The following CRPPA variants were observed in gnomAD, a reference collection of about 807,000 sequenced individuals.
The protein encoded by CRPPA is CDP-L-ribitol pyrophosphorylase A, also known as D-ribitol-5-phosphate cytidylyltransferase.
CRPPA carries 43 observed loss-of-function variants against 52.0 expected under a neutral mutation model. The observed-to-expected ratio is 0.83, with a 90% confidence interval of 0.65 to 1.07. The LOEUF (loss-of-function observed/expected upper bound fraction) is 1.07, where lower values mean the gene tolerates loss of function less well. Among genes scored for constraint, CRPPA ranks in the 50% least tolerant of loss-of-function variants. CRPPA has a pLI of 0.00. For synonymous variants in CRPPA, 250 were observed against 203.5 expected, an observed-to-expected ratio of 1.23 and a Z score of -1.94; for missense variants, 629 against 551.7, an observed-to-expected ratio of 1.14 and a Z score of -1.40.
rs530116346 is a variant in CRPPA at position 16,369,671 on chromosome 7, CT to C, written c.684+6420del. Among the ~76,000 whole-genome samples the C allele has an allele frequency of 3.8e-3, 575 of 152,036 alleles. 4 individuals are homozygous for C. The highest frequency in any genetic ancestry group is 0.013 in the African/African-American group (547 of 41,492). On this transcript the variant is annotated intron_variant, in intron 3 of 9. Coordinates refer to ENST00000407010, the MANE Select transcript of CRPPA (RefSeq NM_001101426.4). ...TAAAGCAGAACAAAATAAGTATGAT[CT>C]TTTTTTTGCCCCCAAGATGGCAGAT...
chr7:16,173,878 T>G (rs1439570199), intron 9 of CRPPA, among the ~76,000 whole-genome samples: 1 of 152,178 alleles, frequency 6.6e-6, no homozygotes, highest in African/African-American at 2.4e-5. Flanking sequence ...AAATGTAAAC[T>G]GTATTTGTTT....
intron 8 of CRPPA, among the ~76,000 whole-genome samples, chr7:16,222,027 C>G (rs1562567231): frequency 6.6e-6 from 1 of 150,822 alleles, no homozygotes; most frequent in Non-Finnish European, 1.5e-5. Context: ...TTCACAATAG[C>G]AAAGACTTGG....
intron 2 of CRPPA, among the ~76,000 whole-genome samples, chr7:16,389,928 A>AAAAAAAAAAAAAATAT: frequency 6.7e-5 from 2 of 29,760 alleles, no homozygotes; most frequent in South Asian, 3.4e-3. Flanking sequence ...AAAAAAAAAA[A>AAAAAAAAAAAAAATAT]ATATATATAT....
At chr7:16,211,341 A>G (rs1054635919) in intron 9 of CRPPA, among the ~76,000 whole-genome samples, 1 of 152,224 alleles carries the variant, frequency 6.6e-6, no homozygotes, top group Non-Finnish European at 1.5e-5. Context: ...AACAATATTG[A>G]AAGTGAAAAA....
intron 8 of CRPPA, among the ~76,000 whole-genome samples, chr7:16,233,463 T>C (rs1219832084): frequency 2.0e-5 from 3 of 152,274 alleles, no homozygotes; most frequent in Non-Finnish European, 4.4e-5. Context: ...TCTTCAAAGA[T>C]ATTATAATGG....
intron 2 of CRPPA, among the ~76,000 whole-genome samples, chr7:16,380,668 G>T (rs1236816164): frequency 1.3e-5 from 2 of 152,128 alleles, no homozygotes; most frequent in Admixed American, 1.3e-4. Flanking sequence ...CAATTTCAGA[G>T]CCTGTTATTG....
intron 9 of CRPPA, among the ~76,000 whole-genome samples, chr7:16,163,841 A>AC (rs1780983772): frequency 6.6e-6 from 1 of 151,706 alleles, no homozygotes; most frequent in Non-Finnish European, 1.5e-5. Flanking sequence ...TTGAATGTTG[A>AC]CCCCCACTCT....
chr7:16,172,107 C>G (rs1181768757), intron 9 of CRPPA, among the ~76,000 whole-genome samples: 4 of 152,190 alleles, frequency 2.6e-5, no homozygotes, highest in South Asian at 2.1e-4. Context: ...GCTGTTCTAC[C>G]TCCTACACAT....
chr7:16,379,135 G>A (rs987897313), intron 2 of CRPPA, among the ~76,000 whole-genome samples: 6 of 152,084 alleles, frequency 3.9e-5, no homozygotes, highest in Non-Finnish European at 7.4e-5. Context: ...GTCAATTCTG[G>A]CCTTTGTTGC....
chr7:16,242,700 T>C (rs900664828), intron 8 of CRPPA, among the ~76,000 whole-genome samples: 1 of 152,224 alleles, frequency 6.6e-6, no homozygotes, highest in Non-Finnish European at 1.5e-5. Flanking sequence ...TTTGTAGCAT[T>C]AGATTTTTCT....
At chr7:16,249,180 T>C (rs1283003084) in intron 8 of CRPPA, among the ~76,000 whole-genome samples, 1 of 152,140 alleles carries the variant, frequency 6.6e-6, no homozygotes, top group African/African-American at 2.4e-5. Context: ...CTCTCTAGAT[T>C]CCACCTCTCT....
intron 3 of CRPPA, among the ~76,000 whole-genome samples, chr7:16,330,581 T>C (rs1263340973): frequency 6.6e-6 from 1 of 152,004 alleles, no homozygotes; most frequent in Admixed American, 6.6e-5. Context: ...AGAGACCTAG[T>C]GTGGGCAAGT....
At chr7:16,244,212 T>C (rs1004845048) in intron 8 of CRPPA, among the ~76,000 whole-genome samples, 1 of 152,216 alleles carries the variant, frequency 6.6e-6, no homozygotes, top group Non-Finnish European at 1.5e-5. Context: ...CTCTTACTAG[T>C]GCCAATTTAT....
At chr7:16,157,094 A>C (rs1156330464) in intron 9 of CRPPA, among the ~76,000 whole-genome samples, 2 of 152,146 alleles carry the variant, frequency 1.3e-5, no homozygotes, top group East Asian at 3.8e-4. Context: ...AAGACTTCAA[A>C]GTAAGTTGCA....
chr7:16,138,823 T>C (rs950890354), intron 9 of CRPPA, among the ~76,000 whole-genome samples: 3 of 152,152 alleles, frequency 2.0e-5, no homozygotes, highest in African/African-American at 7.2e-5. Flanking sequence ...TGTTTTGAGA[T>C]GGAGTTTCAC....
intron 4 of CRPPA, among the ~76,000 whole-genome samples, chr7:16,303,477 TA>T (rs545663821): frequency 0.031 from 1,384 of 44,884 alleles, 57 homozygotes; most frequent in African/African-American, 0.11. Flanking sequence ...CATAAAATAG[TA>T]AAAAAAAAAA....
chr7:16,268,631 G>A (rs566727020), intron 6 of CRPPA, among the ~76,000 whole-genome samples: 6 of 151,984 alleles, frequency 3.9e-5, no homozygotes, highest in Non-Finnish European at 5.9e-5. Context: ...ACAAAAACTC[G>A]ATCATGTGAC....
intron 9 of CRPPA, among the ~76,000 whole-genome samples, chr7:16,214,117 G>C (rs1031105182): frequency 2.0e-5 from 3 of 152,036 alleles, no homozygotes; most frequent in African/African-American, 7.2e-5. Context: ...TTTTCTTTTT[G>C]AGTTTGCATG....
rs553353474 is a variant in CRPPA, at chr7:16,087,590, T to C, written c.*4105A>G. The C allele has an allele frequency of 2.8e-4, 42 of 152,064 alleles. No homozygotes were observed. The highest frequency in any genetic ancestry group is 9.6e-4 in the African/African-American group (40 of 41,556). 9.4% of individuals were successfully genotyped at this position (152,064 alleles called of 1,614,324 possible). ...AAAAACAACATATTTAGAATCTTTA[T>C]AGTACTTTTCAATGTCACCTTAAAA... is the stretch of plus-strand genomic sequence containing the variant. On this transcript the variant is annotated 3_prime_UTR_variant, in exon 10 of 10. Coordinates refer to ENST00000407010, the MANE Select transcript of CRPPA (RefSeq NM_001101426.4).
Sources: gnomAD v4.1 joint callset for allele counts (sites outside exome capture counted in the v4.1 genomes callset) on GRCh38, gnomAD v4.1.1 for gene constraint, MANE v1.5 for transcripts, NCBI Gene and HGNC (gene_info 2026-07-23, HGNC 2026-07-21) for gene names.